PPRC1: variants seen among roughly 807,000 people sequenced by gnomAD.
PPRC1 encodes the protein peroxisome proliferator-activated receptor gamma coactivator-related protein 1.
Under a neutral mutation model 132.5 loss-of-function variants are expected in PPRC1, and 23 were observed. That is an observed-to-expected ratio of 0.17 (90% CI 0.12 to 0.25). The LOEUF is 0.25. PPRC1 is among the 10% of genes least tolerant of loss of function. The pLI is 1.00. For missense variants in PPRC1, 2,006 were observed against 2,089.1 expected (o/e 0.96, Z 0.78); for synonymous variants, 872 against 833.5 (o/e 1.05, Z -0.80).
upstream of PPRC1, among the ~76,000 whole-genome samples, chr10:102,129,057 G>A (rs1159310608): frequency 2.7e-5 from 4 of 149,348 alleles, no homozygotes; most frequent in African/African-American, 5.0e-5. Flanking sequence ...AGCCTCCCGC[G>A]TAGCTGGGAC....
the PPRC1 span, chr10:102,120,519 A>C: frequency 1.5e-5 from 5 of 337,052 alleles, no homozygotes; most frequent in Non-Finnish European, 2.1e-5. Flanking sequence ...GGCTTTATTA[A>C]TATGCTAATT....
At chr10:102,129,078 C>T (rs1022402315), upstream of PPRC1, among the ~76,000 whole-genome samples, 3 of 150,666 alleles carry the variant, frequency 2.0e-5, no homozygotes, top group African/African-American at 7.3e-5. Flanking sequence ...TACAGGCGCC[C>T]GCCACCACGC....
In PPRC1 at chr10:102,147,073, G is replaced by A. The variant is rs1422886941; in HGVS notation, c.4081G>A (p.Glu1361Lys). 1.2e-6 allele frequency: 2 copies of A among 1,614,186 alleles called. No homozygotes were observed. The highest frequency in any genetic ancestry group is 2.2e-5 in the South Asian group (2 of 91,082). The change falls in exon 9 of 14, where the codon GAG (glutamate) becomes AAG (lysine). Residue 1361 changes from glutamate (E) to lysine (K), a missense_variant. Physicochemically the swap from Glu to Lys is moderately conservative, Grantham distance 56 (BLOSUM62 1). Transcript: ENST00000278070. ...REPLDHRTSS[E>K]QADPSAPCLA... is the part of the protein sequence containing the mutation. ...GCCGCTTGATCACAGGACTAGCAGTGAGCAGGCAGATCCCTCAGCACCCTG... is the reference window on the plus strand; with the variant it reads ...GCCGCTTGATCACAGGACTAGCAGTAAGCAGGCAGATCCCTCAGCACCCTG...
At position 102,150,179 on chromosome 10, in the gene PPRC1, G is replaced by T; in HGVS notation, c.*150G>T. The T allele has an allele frequency of 3.3e-6, 2 of 608,464 alleles. No homozygotes were observed. Among genetic ancestry groups the T allele is most frequent in the Non-Finnish European group, 5.8e-6 (2 of 346,656 alleles). 37.7% of individuals were successfully genotyped at this position (608,464 alleles called of 1,614,324 possible). ...GTGAAATAAAAAATATGTTGAATCA[G>T]ATTTTTTAAAAGGGGTATTTGTTTT... On this transcript the variant is annotated 3_prime_UTR_variant, in exon 14 of 14. Coordinates refer to ENST00000278070, the MANE Select transcript of PPRC1 (RefSeq NM_015062.5).
In PPRC1 at chr10:102,138,768, G is replaced by A; in HGVS notation, c.489+3G>A. ...TGTCACCCCGGGAGGGCTCCTCTGT[G>A]AGTGTGGGACCAGGGGAAGGGGATT... On this transcript the variant is annotated splice_donor_region_variant and intron_variant, in intron 3 of 13. Coordinates refer to ENST00000278070, the MANE Select transcript of PPRC1 (RefSeq NM_015062.5). 5 of 1,614,186 alleles carry A rather than the reference G, an allele frequency of 3.1e-6. No individual in the cohort carries two copies. The highest frequency in any genetic ancestry group is 4.2e-6 in the Non-Finnish European group (5 of 1,180,006).
Position 102,139,337 on chromosome 10 carries a change from C to A in PPRC1, c.829C>A (p.His277Asn). The A allele has an allele frequency of 6.2e-7, 1 of 1,614,194 alleles. No individual in the cohort carries two copies. ...GAGCAGTATCCCGGACTTCCCCATG[C>A]ATTTGGCCTGCCCTGAGGAGGAAGA... is the stretch of plus-strand genomic sequence containing the variant. ...CVSSIPDFPM[H>N]LACPEEEDKA... The change falls in exon 5 of 14, where the codon CAT (histidine) becomes AAT (asparagine). Residue 277 changes from histidine to asparagine, a missense_variant. Coordinates refer to ENST00000278070, the MANE Select transcript of PPRC1 (RefSeq NM_015062.5).
In PPRC1 at chr10:102,138,912, C is replaced by G; in HGVS notation, c.523C>G (p.Pro175Ala). 6.2e-6 allele frequency: 10 copies of G among 1,614,164 alleles called. No individual in the cohort carries two copies. Among genetic ancestry groups the G allele is most frequent in the Non-Finnish European group, 8.5e-6 (10 of 1,180,024 alleles). ...GCTGCTTACTCTCTCTCGGACACCC[C>G]CAGAACGTGACCTCATCACCCCAGT... is the stretch of plus-strand genomic sequence containing the variant. ...HKLLTLSRTPPERDLITPVDP... is the reference protein window; with the variant it reads ...HKLLTLSRTPAERDLITPVDP... The change falls in exon 4 of 14, where the codon CCA (proline) becomes GCA (alanine). Residue 175 changes from proline to alanine, a missense_variant. Physicochemically the swap from Pro to Ala is conservative, Grantham distance 27 (BLOSUM62 -1). Transcript: ENST00000278070.
rs1362078375 is a variant in PPRC1 at position 102,139,230 on chromosome 10, A to G, written c.722A>G (p.Gln241Arg). 3 of 1,613,942 alleles carry G rather than the reference A, an allele frequency of 1.9e-6. No homozygotes were observed. Among genetic ancestry groups the G allele is most frequent in the Non-Finnish European group, 2.5e-6 (3 of 1,180,010 alleles). Residue 241 changes from glutamine to arginine, a missense_variant, in exon 5 of 14, where the codon CAG (glutamine) becomes CGG (arginine). This residue lies in a region of PPRC1 where 1,914 missense variants were observed against 1,917.2 expected (regional missense o/e 1.00). Transcript: ENST00000278070. Reference protein sequence around the residue: ...RPRWGQSPPPQQRSDGEEEEE... With the variant: ...RPRWGQSPPPRQRSDGEEEEE... ...CGCTGGGGCCAATCCCCACCTCCCC[A>G]GCAGCGCAGTGATGGAGAAGAAGAG...
chr10:102,135,689 A>G (rs1373420953), intron 1 of PPRC1, among the ~76,000 whole-genome samples: 1 of 152,182 alleles, frequency 6.6e-6, no homozygotes, highest in Non-Finnish European at 1.5e-5. Flanking sequence ...TGTAAGCTAT[A>G]TTAAAGAGTT....
Position 102,148,462 on chromosome 10 carries a change from C to T in PPRC1, c.4491C>T (p.Ser1497=), listed in dbSNP as rs2069362674. The T allele has an allele frequency of 5.0e-6, 8 of 1,612,184 alleles. No individual in the cohort carries two copies. Among genetic ancestry groups the T allele is most frequent in the African/African-American group, 1.3e-5 (1 of 74,866 alleles). The change falls in exon 10 of 14, where the codon TCC becomes TCT. Residue 1497 remains serine, a synonymous_variant. Coordinates refer to ENST00000278070, the MANE Select transcript of PPRC1 (RefSeq NM_015062.5). The surrounding 1 kb of genome is among the most constrained non-coding windows in gnomAD (Gnocchi z 4.2). ...CTTCGTCTTCCTCATCCTCATCATC[C>T]AGTTCTCGAAGCCGCTCACGATCCC... ...SSSSSSSSSS[S]SSRSRSRSPS... is the part of the protein sequence containing the mutation.
At chr10:102,142,111 AGTT>A in intron 5 of PPRC1, 107 bp downstream of exon 5, 1 of 1,353,290 alleles carries the variant, frequency 7.4e-7, no homozygotes, top group South Asian at 1.5e-5. Context: ...TCTTTGGAGG[AGTT>A]TTTTTGTTTT....
At chr10:102,123,754 G>C in the PPRC1 span, among the ~76,000 whole-genome samples, 1 of 150,960 alleles carries the variant, frequency 6.6e-6, no homozygotes, top group Admixed American at 6.6e-5. Context: ...GGCTGGTCTG[G>C]ATCTCCCAAC....
chr10:102,129,592 T>C (rs571176679), upstream of PPRC1, among the ~76,000 whole-genome samples: 304 of 152,306 alleles, frequency 2.0e-3, 1 homozygote, highest in Non-Finnish European at 3.8e-3. Flanking sequence ...CATTTTATTT[T>C]TTTTTAATTT....
intron 1 of PPRC1, among the ~76,000 whole-genome samples, chr10:102,134,363 A>T (rs1276932633): frequency 6.6e-6 from 1 of 152,098 alleles, no homozygotes; most frequent in African/African-American, 2.4e-5. Flanking sequence ...CATACACTGG[A>T]TGAGGAGGAT....
chr10:102,128,917 G>A (rs1198147313), upstream of PPRC1, among the ~76,000 whole-genome samples: 1 of 135,418 alleles, frequency 7.4e-6, no homozygotes. Flanking sequence ...CCCGGCCAGC[G>A]GCAGTCTTTT....
Position 102,137,981 on chromosome 10 carries a change from G to T in PPRC1, c.285G>T (p.Gln95His), listed in dbSNP as rs1255458557. 1.9e-6 allele frequency: 3 copies of T among 1,614,070 alleles called. No homozygotes were observed. The highest frequency in any genetic ancestry group is 2.5e-6 in the Non-Finnish European group (3 of 1,180,036). Reference protein sequence around the residue: ...LQDETLLGTMQSYMDASLISL... With the variant: ...LQDETLLGTMHSYMDASLISL... ...ATGAGACACTGCTGGGGACCATGCAGAGCTACATGGATGCCTCCCTTATCT... is the reference window on the plus strand; with the variant it reads ...ATGAGACACTGCTGGGGACCATGCATAGCTACATGGATGCCTCCCTTATCT... The change falls in exon 2 of 14, where the codon CAG (glutamine) becomes CAT (histidine). Residue 95 changes from glutamine (Q) to histidine (H), a missense_variant. By Grantham distance (24) the Gln-to-His change is conservative. Around this residue, in one of 2 missense-constraint regions of PPRC1, gnomAD observed 1,914 missense variants for 1,917.2 expected, o/e 1.00. Coordinates refer to ENST00000278070, the MANE Select transcript of PPRC1 (RefSeq NM_015062.5).
intron 8 of PPRC1, 111 bp from the exon 9 acceptor site, chr10:102,146,561 T>C: frequency 7.0e-7 from 1 of 1,429,396 alleles, no homozygotes; most frequent in African/African-American, 1.4e-5. Context: ...CTTACCTTGC[T>C]TGGTGTACTT....
chr10:102,134,979 C>T (rs2068668650), intron 1 of PPRC1, among the ~76,000 whole-genome samples: 1 of 152,176 alleles, frequency 6.6e-6, no homozygotes, highest in Non-Finnish European at 1.5e-5. Flanking sequence ...GTGAGCTGGT[C>T]AGTCAGCCAG....
At chr10:102,122,403 A>G in the PPRC1 span, among the ~76,000 whole-genome samples, 1 of 150,052 alleles carries the variant, frequency 6.7e-6, no homozygotes, top group Admixed American at 6.6e-5. Flanking sequence ...GACAATGTAC[A>G]CCCAGTCACG....
Sources: allele counts gnomAD v4.1 joint callset (sites outside exome capture counted in the v4.1 genomes callset), GRCh38; gene constraint gnomAD v4.1.1; regional missense constraint gnomAD v4.1.1; non-coding constraint Gnocchi (gnomAD v3.1); transcripts MANE v1.5; gene names NCBI Gene and HGNC (gene_info 2026-07-23, HGNC 2026-07-21).